The following SLC36A1 variants were observed in gnomAD, a reference collection of about 807,000 sequenced individuals.
SLC36A1 encodes the protein solute carrier family 36 member 1.
SLC36A1 carries 30 observed loss-of-function variants against 47.5 expected under a neutral mutation model. The observed-to-expected ratio is 0.63, with a 90% CI of 0.47 to 0.86. The LOEUF is 0.86. SLC36A1 is among the 40% of genes least tolerant of loss of function. SLC36A1 has a pLI of 0.00. For synonymous variants in SLC36A1, 255 were observed against 249.7 expected (o/e 1.02, Z -0.20); for missense variants, 517 against 606.0 (o/e 0.85, Z 1.54).
At chr5:151,384,686 A>C in the SLC36A1 span, among the ~76,000 whole-genome samples, 1 of 152,226 alleles carries the variant, frequency 6.6e-6, no homozygotes, top group Non-Finnish European at 1.5e-5. Context: ...GCCTCTGCTT[A>C]AATACCTTCG....
At chr5:151,347,332 T>G in the SLC36A1 span, 1 of 1,614,246 alleles carries the variant, frequency 6.2e-7, no homozygotes, top group African/African-American at 1.3e-5. Flanking sequence ...CTGCTGACTC[T>G]GAAGGACTTT....
At chr5:151,450,560 G>A (rs377122826) in intron 1 of SLC36A1, among the ~76,000 whole-genome samples, 4 of 152,186 alleles carry the variant, frequency 2.6e-5, no homozygotes, top group African/African-American at 9.7e-5. Context: ...CTAGCATGTG[G>A]GATGGATGGA....
the SLC36A1 span, chr5:151,545,024 T>C: frequency 6.2e-7 from 1 of 1,614,140 alleles, no homozygotes; most frequent in Non-Finnish European, 8.5e-7. Flanking sequence ...AACTCATGAG[T>C]GTCCTGCTGC....
At chr5:151,529,399 A>T in the SLC36A1 span, 2 of 1,613,016 alleles carry the variant, frequency 1.2e-6, no homozygotes. Flanking sequence ...ATCCCTGAAG[A>T]AGCAAGAGGT....
chr5:151,511,673 A>G, the SLC36A1 span: 1 of 162,004 alleles, frequency 6.2e-6, no homozygotes, highest in Non-Finnish European at 1.4e-5. Context: ...CAGCATTGAC[A>G]GATCTTAAAA....
the SLC36A1 span, chr5:151,550,748 C>A: frequency 6.2e-7 from 1 of 1,614,138 alleles, no homozygotes; most frequent in Non-Finnish European, 8.5e-7. Context: ...TTGTCTTGAT[C>A]TATGGCCTGG....
the SLC36A1 span, chr5:151,509,945 G>A: frequency 2.0e-6 from 3 of 1,530,302 alleles, no homozygotes; most frequent in Non-Finnish European, 2.7e-6. Context: ...GCCTCCCATT[G>A]GACTTTCTAG....
chr5:151,553,138 G>C, the SLC36A1 span: 1 of 1,590,800 alleles, frequency 6.3e-7, no homozygotes, highest in Admixed American at 1.7e-5. Context: ...ATAAGGATGG[G>C]AGGGGTTGGC....
the SLC36A1 span, chr5:151,521,807 C>T: frequency 1.9e-6 from 3 of 1,614,202 alleles, no homozygotes; most frequent in East Asian, 2.2e-5. Context: ...GAGTAGTGGC[C>T]ACGAGGCAGG....
chr5:151,474,589 A>G (rs1054129175), intron 8 of SLC36A1, among the ~76,000 whole-genome samples: 2 of 152,194 alleles, frequency 1.3e-5, no homozygotes, highest in South Asian at 4.1e-4. Context: ...TTTATTAATA[A>G]TGTTATTTTA....
At chr5:151,391,047 A>C in the SLC36A1 span, among the ~76,000 whole-genome samples, 1 of 152,170 alleles carries the variant, frequency 6.6e-6, no homozygotes, top group Non-Finnish European at 1.5e-5. Flanking sequence ...TGAGCATGGA[A>C]TGTTCTTCCA....
the SLC36A1 span, among the ~76,000 whole-genome samples, chr5:151,542,025 GACA>G: frequency 6.6e-6 from 1 of 152,176 alleles, no homozygotes; most frequent in Non-Finnish European, 1.5e-5. Flanking sequence ...AAAATAATGA[GACA>G]TACTTTTTGC....
the SLC36A1 span, chr5:151,534,656 T>A: frequency 2.4e-5 from 39 of 1,595,806 alleles, no homozygotes; most frequent in Non-Finnish European, 3.3e-5. Flanking sequence ...GTCGGAGAAA[T>A]GACAAAAGTT....
chr5:151,419,074 C>G, the SLC36A1 span, among the ~76,000 whole-genome samples: 2 of 152,202 alleles, frequency 1.3e-5, no homozygotes, highest in Admixed American at 6.5e-5. Flanking sequence ...AAGAAAGTGC[C>G]TGGTTTCTTC....
chr5:151,394,789 G>T, the SLC36A1 span, among the ~76,000 whole-genome samples: 4 of 152,198 alleles, frequency 2.6e-5, no homozygotes, highest in Non-Finnish European at 4.4e-5. Flanking sequence ...GTACCCAGGC[G>T]TGTGAAGTGT....
the SLC36A1 span, chr5:151,512,908 C>A: frequency 2.5e-6 from 1 of 392,522 alleles, no homozygotes; most frequent in South Asian, 3.3e-5. This position sits in a 1 kb window ranked among gnomAD's most constrained non-coding sequence, Gnocchi z 4.1. Flanking sequence ...TTGGATGCTT[C>A]TTCACAGGCC....
At chr5:151,382,375 A>G in the SLC36A1 span, 1 of 723,470 alleles carries the variant, frequency 1.4e-6, no homozygotes, top group Non-Finnish European at 2.4e-6. Flanking sequence ...AATATCAAAG[A>G]TGCCTTTTGA....
the SLC36A1 span, among the ~76,000 whole-genome samples, chr5:151,348,778 C>T: frequency 6.6e-6 from 1 of 152,186 alleles, no homozygotes; most frequent in Non-Finnish European, 1.5e-5. Flanking sequence ...GAATAACTTG[C>T]TGGAGGTCAC....
chr5:151,459,026 T>G, intron 2 of SLC36A1, 91 bp downstream of exon 2: 1 of 1,402,598 alleles, frequency 7.1e-7, no homozygotes, highest in Non-Finnish European at 9.6e-7. Flanking sequence ...TCATCAGTCC[T>G]CCACTTTACA....
Sources: gnomAD v4.1 joint callset for allele counts (sites outside exome capture counted in the v4.1 genomes callset) on GRCh38, gnomAD v4.1.1 for gene constraint, Gnocchi (gnomAD v3.1) non-coding constraint, MANE v1.5 for transcripts, NCBI Gene and HGNC (gene_info 2026-07-23, HGNC 2026-07-21) for gene names.